Variants in ARHGAP26 observed in about 807,000 individuals in gnomAD.
ARHGAP26 encodes Rho GTPase activating protein 26.
ARHGAP26 carries 38 observed loss-of-function variants against 104.8 expected under a neutral mutation model. That is an observed-to-expected ratio of 0.36 (90% confidence interval 0.28 to 0.48). The LOEUF (loss-of-function observed/expected upper bound fraction) is 0.48. ARHGAP26 is among the 20% of genes least tolerant of loss of function. The pLI is 0.99. For missense variants in ARHGAP26, 704 were observed against 947.9 expected (o/e 0.74, Z 3.38); for synonymous variants, 341 against 340.0 (o/e 1.00, Z -0.03).
chr5:142,846,792 T>C (rs1014082232), intron 1 of ARHGAP26, among the ~76,000 whole-genome samples: 4 of 152,210 alleles, frequency 2.6e-5, no homozygotes, highest in Non-Finnish European at 5.9e-5. Flanking sequence ...AGTCTTGTTT[T>C]CTCTTTCTTC....
intron 11 of ARHGAP26, among the ~76,000 whole-genome samples, chr5:143,012,552 C>CATATATATATATATATATATAT (rs3073231): frequency 0.023 from 479 of 20,744 alleles, 79 homozygotes; most frequent in Non-Finnish European, 0.041. Context: ...TACATACATA[C>CATATATATATATATATATATAT]ATATATATAT....
chr5:142,811,808 A>G (rs1764128400), intron 1 of ARHGAP26, among the ~76,000 whole-genome samples: 1 of 152,220 alleles, frequency 6.6e-6, no homozygotes, highest in South Asian at 2.1e-4. Context: ...GCCTTGCACC[A>G]GGCTTAGAAC....
intron 1 of ARHGAP26, among the ~76,000 whole-genome samples, chr5:142,839,893 A>AGG (rs1770402204): frequency 1.7e-5 from 1 of 58,944 alleles, no homozygotes; most frequent in Non-Finnish European, 3.2e-5. Flanking sequence ...AGAGAGAGAG[A>AGG]GGAGGGGAGG....
chr5:142,956,900 A>G (rs575878595), intron 11 of ARHGAP26, among the ~76,000 whole-genome samples: 8 of 152,148 alleles, frequency 5.3e-5, no homozygotes, highest in Non-Finnish European at 1.2e-4. Context: ...ACTTACTATC[A>G]TAAGAATAAG....
intron 17 of ARHGAP26, among the ~76,000 whole-genome samples, chr5:143,058,842 G>A (rs1786256756): frequency 6.6e-6 from 1 of 152,158 alleles, no homozygotes; most frequent in African/African-American, 2.4e-5. Context: ...GTGTGTTATT[G>A]GGAAGGAATT....
At chr5:142,985,629 A>G (rs866338230) in intron 11 of ARHGAP26, among the ~76,000 whole-genome samples, 30 of 147,718 alleles carry the variant, frequency 2.0e-4, no homozygotes, top group Admixed American at 4.7e-4. Context: ...TACATTAGGT[A>G]TATCTCCTAA....
chr5:142,919,162 G>C, intron 10 of ARHGAP26: 1 of 398,112 alleles, frequency 2.5e-6, no homozygotes, highest in Non-Finnish European at 4.4e-6. Context: ...TTAAAATGAC[G>C]TCATTAGGGT....
intron 18 of ARHGAP26, among the ~76,000 whole-genome samples, chr5:143,131,815 C>T (rs1318889295): frequency 6.6e-6 from 1 of 152,144 alleles, no homozygotes; most frequent in African/African-American, 2.4e-5. Flanking sequence ...ACATAGTAGC[C>T]ATTTTTAAAT....
chr5:142,815,023 C>G (rs941565755), intron 1 of ARHGAP26, among the ~76,000 whole-genome samples: 2 of 152,184 alleles, frequency 1.3e-5, no homozygotes, highest in Admixed American at 6.5e-5. Context: ...CTTTTAGAGA[C>G]AGAGTCTTGC....
chr5:143,020,384 A>G (rs572511205), intron 12 of ARHGAP26, among the ~76,000 whole-genome samples: 9 of 152,200 alleles, frequency 5.9e-5, no homozygotes, highest in Non-Finnish European at 1.2e-4. Context: ...CCACAGGGGA[A>G]CAATAGACAG....
intron 11 of ARHGAP26, among the ~76,000 whole-genome samples, chr5:143,006,662 G>A (rs1317257657): frequency 1.3e-5 from 2 of 152,182 alleles, no homozygotes; most frequent in African/African-American, 4.8e-5. Flanking sequence ...TCACCACTCA[G>A]ACCATGGTGA....
In ARHGAP26 at chr5:142,770,739, C is replaced by T. The variant is rs576703735; in HGVS notation, c.-23C>T. 2.6e-4 allele frequency: 335 copies of T among 1,308,822 alleles called. 1 individual carries two copies. In the South Asian group the frequency reaches 5.1e-3, roughly 20 times the overall value. 81.1% of individuals were successfully genotyped at this position (1,308,822 alleles called of 1,614,324 possible). ...CCCGGGCCCCGGCGGAGGCGCGCCC[C>T]CCGGCTGGGCGCCGCGCGCACCATG... On this transcript the variant is annotated 5_prime_UTR_variant, in exon 1 of 23. Coordinates refer to ENST00000645722, the MANE Select transcript of ARHGAP26 (RefSeq NM_001135608.3).
At chr5:142,819,901 A>G (rs1421050313) in intron 1 of ARHGAP26, among the ~76,000 whole-genome samples, 4 of 152,182 alleles carry the variant, frequency 2.6e-5, no homozygotes, top group Admixed American at 2.6e-4. Context: ...TGCATACACC[A>G]GGGTTCTTAC....
At chr5:142,980,151 T>C (rs544587260) in intron 11 of ARHGAP26, among the ~76,000 whole-genome samples, 1 of 152,314 alleles carries the variant, frequency 6.6e-6, no homozygotes, top group African/African-American at 2.4e-5. Flanking sequence ...TGGAAACATA[T>C]ACCATCTACT....
intron 20 of ARHGAP26, among the ~76,000 whole-genome samples, chr5:143,185,946 G>T (rs930174368): frequency 3.3e-5 from 5 of 152,190 alleles, no homozygotes; most frequent in African/African-American, 1.2e-4. Flanking sequence ...CTTCCTAAAG[G>T]AGCCATCCTA....
intron 1 of ARHGAP26, among the ~76,000 whole-genome samples, chr5:142,776,639 C>T (rs763043898): frequency 2.0e-5 from 3 of 152,180 alleles, no homozygotes; most frequent in Non-Finnish European, 4.4e-5. Flanking sequence ...TATCCATTCA[C>T]CAGCTGATGA....
At chr5:142,909,942 C>T (rs1761605963) in intron 9 of ARHGAP26, among the ~76,000 whole-genome samples, 1 of 152,050 alleles carries the variant, frequency 6.6e-6, no homozygotes, top group Non-Finnish European at 1.5e-5. Flanking sequence ...GGGTAGAAAC[C>T]AATTATAGTG....
intron 9 of ARHGAP26, among the ~76,000 whole-genome samples, chr5:142,909,768 G>A (rs941525368): frequency 2.0e-5 from 3 of 152,200 alleles, no homozygotes; most frequent in African/African-American, 7.2e-5. Context: ...CTTGGATTGA[G>A]CCTTAGTCCC....
At chr5:143,107,341 T>C (rs1045819546) in intron 17 of ARHGAP26, among the ~76,000 whole-genome samples, 2 of 152,176 alleles carry the variant, frequency 1.3e-5, no homozygotes, top group African/African-American at 4.8e-5. Context: ...ATTAAGTGGT[T>C]TCATCTCTGT....
Sources: allele counts gnomAD v4.1 joint callset (sites outside exome capture counted in the v4.1 genomes callset), GRCh38; gene constraint gnomAD v4.1.1; transcripts MANE v1.5; gene names NCBI Gene and HGNC (gene_info 2026-07-23, HGNC 2026-07-21).